ADGRL3: variants seen among roughly 807,000 people sequenced by gnomAD.
ADGRL3 encodes calcium-independent alpha-latrotoxin receptor 3.
ADGRL3 carries 62 observed loss-of-function variants against 153.5 expected under a neutral mutation model. That is an observed-to-expected ratio of 0.40 (90% confidence interval 0.33 to 0.50). The LOEUF is 0.50. Among genes scored for constraint, ADGRL3 ranks in the 20% least tolerant of loss-of-function variants. ADGRL3 has a pLI of 0.47. For synonymous variants in ADGRL3, 710 were observed against 672.5 expected (o/e 1.06, Z -0.86); for missense variants, 1,641 against 1,859.4 (o/e 0.88, Z 2.16).
intron 5 of ADGRL3, among the ~76,000 whole-genome samples, chr4:61,589,893 C>T (rs1181529279): frequency 6.6e-6 from 1 of 152,064 alleles, no homozygotes; most frequent in African/African-American, 2.4e-5. Context: ...CTCTTGATTT[C>T]CATATTTTTC....
chr4:61,997,595 T>C (rs1371564900), intron 20 of ADGRL3, among the ~76,000 whole-genome samples: 5 of 152,156 alleles, frequency 3.3e-5, no homozygotes, highest in Non-Finnish European at 7.4e-5. Flanking sequence ...CTTTCTGTTT[T>C]TCTGTTTTGT....
intron 13 of ADGRL3, among the ~76,000 whole-genome samples, chr4:61,915,423 T>C (rs2149891335): frequency 6.6e-6 from 1 of 151,888 alleles, no homozygotes; most frequent in Middle Eastern, 3.4e-3. Flanking sequence ...AGCTGAGCAA[T>C]GTTAGGATTG....
chr4:61,661,791 A>C (rs1318827133), intron 5 of ADGRL3, among the ~76,000 whole-genome samples: 9 of 152,206 alleles, frequency 5.9e-5, no homozygotes, highest in Non-Finnish European at 5.9e-5. Context: ...CAAACTAATA[A>C]AATACAAAAA....
chr4:61,945,705 G>GC (rs1454899806), intron 15 of ADGRL3, among the ~76,000 whole-genome samples: 65 of 150,330 alleles, frequency 4.3e-4, no homozygotes, highest in Admixed American at 4.0e-3. Context: ...TTTTCCAGGT[G>GC]CGTCCGTCAC....
rs938815552 is a variant in ADGRL3, at chr4:61,330,566, G to T, written c.-239-52558G>T. On this transcript the variant is annotated intron_variant, in intron 1 of 26. Transcript: ENST00000683033. ...TCTCCATAATCATGTTGTGTCCTGA[G>T]TTGGTTCCTTCTGGTGGGTTCTTGG... is the stretch of plus-strand genomic sequence containing the variant. 2.6e-5 allele frequency among the ~76,000 whole-genome samples: 4 copies of T among 152,132 alleles called. No homozygotes were observed. The East Asian group carries it at 7.7e-4, about 29-fold the overall frequency.
At chr4:61,390,141 T>C (rs2151994777) in intron 2 of ADGRL3, among the ~76,000 whole-genome samples, 1 of 152,316 alleles carries the variant, frequency 6.6e-6, no homozygotes, top group Admixed American at 6.5e-5. Flanking sequence ...AATTTTAAAA[T>C]TTAGTTATTT....
At chr4:61,333,770 A>G (rs1389194542) in intron 1 of ADGRL3, among the ~76,000 whole-genome samples, 1 of 151,580 alleles carries the variant, frequency 6.6e-6, no homozygotes, top group African/African-American at 2.4e-5. Flanking sequence ...CAATTAATTA[A>G]TTAATTTATT....
In ADGRL3 at chr4:62,078,316, A is replaced by C. The variant is rs1747798921; in HGVS notation, c.*7408A>C. 1 of 151,918 alleles carries C rather than the reference A, an allele frequency of 6.6e-6. No individual in the cohort carries two copies. The highest frequency in any genetic ancestry group is 2.1e-4 in the South Asian group (1 of 4,828). 9.4% of individuals were successfully genotyped at this position (151,918 alleles called of 1,614,324 possible). ...AAGTCATGAGCTACAAACCTCAATAAAAATATCAGTAAACAAGAAGTGATG... is the reference window on the plus strand; with the variant it reads ...AAGTCATGAGCTACAAACCTCAATACAAATATCAGTAAACAAGAAGTGATG... On this transcript the variant is annotated 3_prime_UTR_variant, in exon 27 of 27. Transcript: ENST00000683033.
At chr4:61,327,209 G>A (rs1048229853) in intron 1 of ADGRL3, among the ~76,000 whole-genome samples, 1 of 151,802 alleles carries the variant, frequency 6.6e-6, no homozygotes, top group Non-Finnish European at 1.5e-5. Flanking sequence ...AATGCTGTAT[G>A]TTAAATGTAT....
chr4:61,852,971 G>A (rs2098224767), intron 9 of ADGRL3, among the ~76,000 whole-genome samples: 1 of 151,946 alleles, frequency 6.6e-6, no homozygotes, highest in Non-Finnish European at 1.5e-5. Context: ...GTTCTTTTTG[G>A]TAGTTTATCC....
At chr4:61,793,251 C>T (rs889385926) in intron 8 of ADGRL3, among the ~76,000 whole-genome samples, 6 of 152,094 alleles carry the variant, frequency 3.9e-5, no homozygotes, top group Non-Finnish European at 5.9e-5. Context: ...GGTGAAACCC[C>T]GTCTCTACTA....
At chr4:61,474,041 T>G (rs2098009135) in intron 2 of ADGRL3, among the ~76,000 whole-genome samples, 1 of 152,086 alleles carries the variant, frequency 6.6e-6, no homozygotes, top group African/African-American at 2.4e-5. Context: ...AAAAAAAATC[T>G]GTGAATATTA....
chr4:61,849,867 T>C (rs956952010), intron 9 of ADGRL3, among the ~76,000 whole-genome samples: 4 of 152,250 alleles, frequency 2.6e-5, no homozygotes, highest in Non-Finnish European at 5.9e-5. Flanking sequence ...CCAGTAAACA[T>C]TGCCATGGGT....
At chr4:61,502,001 T>C (rs1300741725) in intron 3 of ADGRL3, among the ~76,000 whole-genome samples, 1 of 152,066 alleles carries the variant, frequency 6.6e-6, no homozygotes, top group Admixed American at 6.6e-5. Flanking sequence ...CTGGCAGAAG[T>C]AAAGAGGAGC....
At position 62,077,526 on chromosome 4, in the gene ADGRL3, T is replaced by A. The variant is rs1560595168; in HGVS notation, c.*6618T>A. 6.6e-6 allele frequency: 1 copy of A among 152,046 alleles called. No homozygotes were observed. The highest frequency in any genetic ancestry group is 1.5e-5 in the Non-Finnish European group (1 of 67,922). 9.4% of individuals were successfully genotyped at this position (152,046 alleles called of 1,614,324 possible). On this transcript the variant is annotated 3_prime_UTR_variant, in exon 27 of 27. Transcript: ENST00000683033. ...AAATATATTGATTGCTCTCAAAAGA[T>A]GTTTGACAAAGTTAAGTCAGTATCT...
At chr4:61,269,004 AC>A (rs1437498045) in intron 1 of ADGRL3, among the ~76,000 whole-genome samples, 1 of 151,702 alleles carries the variant, frequency 6.6e-6, no homozygotes, top group Non-Finnish European at 1.5e-5. Flanking sequence ...TCAGACAGTA[AC>A]TTGTTCAATT....
chr4:61,847,620 TA>T (rs2098134051), intron 9 of ADGRL3, among the ~76,000 whole-genome samples: 1 of 56,342 alleles, frequency 1.8e-5, no homozygotes, highest in African/African-American at 6.5e-5. Flanking sequence ...ATTATATATA[TA>T]ATATAAAATA....
intron 1 of ADGRL3, among the ~76,000 whole-genome samples, chr4:61,220,065 G>A (rs895886466): frequency 6.7e-6 from 1 of 150,272 alleles, no homozygotes; most frequent in African/African-American, 2.5e-5. Context: ...CTGAGATTGC[G>A]TGCGCCATTG....
chr4:61,866,058 C>T (rs1316735162), intron 9 of ADGRL3, among the ~76,000 whole-genome samples: 1 of 152,148 alleles, frequency 6.6e-6, no homozygotes, highest in Non-Finnish European at 1.5e-5. Context: ...CAGTTGTATA[C>T]CTTTTCTGTG....
Sources: allele counts gnomAD v4.1 joint callset (sites outside exome capture counted in the v4.1 genomes callset), GRCh38; gene constraint gnomAD v4.1.1; transcripts MANE v1.5; gene names NCBI Gene and HGNC (gene_info 2026-07-23, HGNC 2026-07-21).